TENM2: variants seen among roughly 807,000 people sequenced by gnomAD.
TENM2 encodes the protein teneurin-2.
In TENM2, 52 loss-of-function variants were observed where a neutral mutation model predicts 245.2. That is an observed-to-expected ratio of 0.21 (90% CI 0.17 to 0.27). The LOEUF (loss-of-function observed/expected upper bound fraction) is 0.27. Among genes scored for constraint, TENM2 ranks in the 10% least tolerant of loss-of-function variants. The pLI, the probability that TENM2 is intolerant of heterozygous loss-of-function variation, is 1.00. For synonymous variants in TENM2, 1,363 were observed against 1,438.9 expected, an observed-to-expected ratio of 0.95 and a Z score of 1.19; for missense variants, 3,046 against 3,666.8, an observed-to-expected ratio of 0.83 and a Z score of 4.37.
chr5:167,783,325 G>T (rs1764335338), intron 2 of TENM2, among the ~76,000 whole-genome samples: 1 of 152,006 alleles, frequency 6.6e-6, no homozygotes, highest in Admixed American at 6.5e-5. Flanking sequence ...TAAGGGCCAG[G>T]CCTGGGCAGT....
chr5:168,203,919 C>G, intron 18 of TENM2, 87 bp downstream of exon 20: 2 of 1,179,416 alleles, frequency 1.7e-6, no homozygotes, highest in Non-Finnish European at 2.3e-6. Context: ...GTGATCACAC[C>G]TCCCCTTCCC....
At chr5:167,188,554 G>C in the TENM2 span, among the ~76,000 whole-genome samples, 5 of 151,740 alleles carry the variant, frequency 3.3e-5, no homozygotes, top group Non-Finnish European at 7.4e-5. Flanking sequence ...CCCTTTTTAT[G>C]TTGCTTTTGC....
chr5:167,211,384 A>G, the TENM2 span, among the ~76,000 whole-genome samples: 1 of 152,380 alleles, frequency 6.6e-6, no homozygotes, highest in Non-Finnish European at 1.5e-5. Context: ...ACTACTTGAT[A>G]AAATTAGATG....
intron 9 of TENM2, among the ~76,000 whole-genome samples, chr5:168,113,847 C>G (rs1581348122): frequency 6.6e-6 from 1 of 152,090 alleles, no homozygotes; most frequent in African/African-American, 2.4e-5. Context: ...TACATAGAAG[C>G]TTGAATGCAC....
chr5:167,189,460 T>C, the TENM2 span, among the ~76,000 whole-genome samples: 1 of 152,090 alleles, frequency 6.6e-6, no homozygotes, highest in Non-Finnish European at 1.5e-5. Flanking sequence ...GTTTCTTTTT[T>C]CTCTCTTCCT....
intron 7 of TENM2, among the ~76,000 whole-genome samples, chr5:168,066,895 T>C (rs935517762): frequency 3.3e-5 from 5 of 152,196 alleles, no homozygotes; most frequent in African/African-American, 1.2e-4. Context: ...GTGCTAGGTG[T>C]CAAAGGAAAT....
intron 9 of TENM2, among the ~76,000 whole-genome samples, chr5:168,114,369 G>A (rs138461955): frequency 3.3e-5 from 5 of 152,226 alleles, no homozygotes; most frequent in African/African-American, 1.2e-4. Context: ...TTGGCACAGA[G>A]TAGGCAGTCA....
chr5:167,166,269 G>A, the TENM2 span, among the ~76,000 whole-genome samples: 1 of 152,056 alleles, frequency 6.6e-6, no homozygotes, highest in Non-Finnish European at 1.5e-5. Context: ...CTTCCAGGTA[G>A]TAAGAAAATA....
intron 10 of TENM2, among the ~76,000 whole-genome samples, chr5:168,124,300 G>A (rs1581381024): frequency 6.6e-6 from 1 of 152,168 alleles, no homozygotes; most frequent in East Asian, 1.9e-4. Flanking sequence ...ACTAATTTTA[G>A]ACTTAGCCTA....
the TENM2 span, among the ~76,000 whole-genome samples, chr5:167,150,372 C>A: frequency 1.2e-4 from 19 of 152,144 alleles, no homozygotes; most frequent in African/African-American, 4.3e-4. Context: ...TTATTATGGG[C>A]AAATAAAAGA....
intron 1 of TENM2, among the ~76,000 whole-genome samples, chr5:167,329,781 G>T (rs1361114023): frequency 6.6e-6 from 1 of 152,012 alleles, no homozygotes; most frequent in African/African-American, 2.4e-5. Context: ...GAGATATGGG[G>T]GATAGAAATT....
intron 2 of TENM2, among the ~76,000 whole-genome samples, chr5:167,767,627 A>G (rs1420689834): frequency 6.6e-6 from 1 of 152,220 alleles, no homozygotes; most frequent in Non-Finnish European, 1.5e-5. Context: ...AAAGAATAAT[A>G]GGGAAAAGAG....
chr5:167,526,774 G>T (rs193296676), intron 2 of TENM2, among the ~76,000 whole-genome samples: 1 of 151,858 alleles, frequency 6.6e-6, no homozygotes, highest in East Asian at 1.9e-4. Flanking sequence ...TGCTTTCTCC[G>T]TTAGTATATA....
At chr5:167,711,404 C>T (rs1758897721) in intron 2 of TENM2, among the ~76,000 whole-genome samples, 1 of 152,182 alleles carries the variant, frequency 6.6e-6, no homozygotes. Flanking sequence ...CCAGGAAAGT[C>T]AGTCATCTGG....
At chr5:168,189,071 T>G (rs1760725719) in intron 13 of TENM2, among the ~76,000 whole-genome samples, 3 of 152,208 alleles carry the variant, frequency 2.0e-5, no homozygotes, top group Non-Finnish European at 4.4e-5. Context: ...CTTCTTGCTG[T>G]GTCCACACAT....
intron 2 of TENM2, among the ~76,000 whole-genome samples, chr5:167,385,401 A>G (rs1444403085): frequency 7.3e-6 from 1 of 136,414 alleles, no homozygotes; most frequent in Non-Finnish European, 1.6e-5. Flanking sequence ...GCTTGTCTTT[A>G]TTTACTTTAA....
At chr5:167,905,255 C>G (rs1356437214) in intron 3 of TENM2, among the ~76,000 whole-genome samples, 1 of 152,154 alleles carries the variant, frequency 6.6e-6, no homozygotes, top group Non-Finnish European at 1.5e-5. Context: ...AAAAAATCAA[C>G]TTTCAACCTC....
At chr5:167,664,724 G>A (rs953773343) in intron 2 of TENM2, among the ~76,000 whole-genome samples, 5 of 152,170 alleles carry the variant, frequency 3.3e-5, no homozygotes, top group African/African-American at 1.2e-4. Flanking sequence ...TATGAGCTAA[G>A]ACTTATAGTC....
rs11398245 is a variant in TENM2, at chr5:167,731,200, G to GTTT, written c.503-144772_503-144770dup. ...AAAATGAGTTTCTACCCTCCAGACA[G>GTTT]TTTTTTTTTTTTTTTTAGTTCTAAG... is the stretch of plus-strand genomic sequence containing the variant. On this transcript the variant is annotated intron_variant, in intron 2 of 28. Coordinates refer to ENST00000518659, the Ensembl canonical transcript of TENM2. Among the ~76,000 whole-genome samples, 1,696 of 142,530 alleles carry GTTT rather than the reference G, an allele frequency of 0.012. 56 individuals carry two copies. The East Asian group carries it at 0.12, about 10-fold the overall frequency. The allele number at this position is 142,530 out of a possible 152,430, so 93.5% of individuals were successfully genotyped here.
Sources: gnomAD v4.1 joint callset for allele counts (sites outside exome capture counted in the v4.1 genomes callset) on GRCh38, gnomAD v4.1.1 for gene constraint, MANE v1.5 for transcripts, NCBI Gene and HGNC (gene_info 2026-07-23, HGNC 2026-07-21) for gene names.